EWSR1: variants seen among roughly 807,000 people sequenced by gnomAD.
EWSR1 encodes the protein RNA-binding protein EWS.
Under a neutral mutation model 92.1 loss-of-function variants are expected in EWSR1, and 14 were observed. That is an observed-to-expected ratio of 0.15 (90% confidence interval 0.10 to 0.24). EWSR1 has a LOEUF of 0.24. EWSR1 is among the 10% of genes least tolerant of loss of function. EWSR1 has a pLI of 1.00. For missense variants in EWSR1, 637 were observed against 870.9 expected (o/e 0.73, Z 3.38); for synonymous variants, 303 against 292.9 (o/e 1.03, Z -0.35).
chr22:29,298,701 T>G, intron 13 of EWSR1, 32 bp from the exon 14 acceptor site: 1 of 1,611,808 alleles, frequency 6.2e-7, no homozygotes, highest in Non-Finnish European at 8.5e-7. Flanking sequence ...TACAGAGAAA[T>G]GATTTGCTGT....
chr22:29,274,124 CTA>C, intron 4 of EWSR1: 1 of 950,622 alleles, frequency 1.1e-6, no homozygotes, highest in Non-Finnish European at 1.7e-6. Context: ...GAAATGGAGA[CTA>C]TGTAAAAGAT....
At chr22:29,270,814 TAGTTTTAATGTCAG>T (rs1467447268) in intron 1 of EWSR1, among the ~76,000 whole-genome samples, 1 of 151,850 alleles carries the variant, frequency 6.6e-6, no homozygotes, top group Non-Finnish European at 1.5e-5. Context: ...GATCTGCATT[TAGTTTTAATGTCAG>T]AGAGAGTATG....
chr22:29,270,936 T>G (rs2058629566), intron 1 of EWSR1, among the ~76,000 whole-genome samples: 2 of 152,186 alleles, frequency 1.3e-5, no homozygotes, highest in African/African-American at 4.8e-5. Flanking sequence ...TTCCTCTTGG[T>G]GATTCAGGGT....
At chr22:29,292,762 C>CTTTTTTTT (rs34395867) in intron 11 of EWSR1, among the ~76,000 whole-genome samples, 156 bp downstream of exon 11, 3 of 100,836 alleles carry the variant, frequency 3.0e-5, no homozygotes, top group African/African-American at 8.1e-5. Context: ...AAAGATTAGC[C>CTTTTTTTT]TTTTTTTTTT....
chr22:29,268,400 CTG>C (rs1491188139), intron 1 of EWSR1, 51 bp downstream of exon 1: 1 of 1,613,766 alleles, frequency 6.2e-7, no homozygotes, highest in Non-Finnish European at 8.5e-7. Flanking sequence ...AACGCCCAAA[CTG>C]GGGGTCGTTC....
chr22:29,298,621 TG>T (rs1302583549), intron 13 of EWSR1, 111 bp from the exon 14 acceptor site: 5 of 1,294,498 alleles, frequency 3.9e-6, no homozygotes, highest in Admixed American at 1.8e-5. Flanking sequence ...GGACAGGTGA[TG>T]GGGAAATGAC....
At chr22:29,278,591 G>A (rs935036030) in intron 5 of EWSR1, among the ~76,000 whole-genome samples, 1 of 152,164 alleles carries the variant, frequency 6.6e-6, no homozygotes, top group Non-Finnish European at 1.5e-5. Context: ...TTGGGAGGCC[G>A]AGGCAGGGGG....
At position 29,287,143 on chromosome 22, in the gene EWSR1, C is replaced by T. The variant is rs1473922127; in HGVS notation, c.793+9C>T. ...CAGCTACGGGCAGCAGAGTGAGTTG[C>T]TAAGAGAGAAAACCAAATAAGAATG... On this transcript the variant is annotated intron_variant, in intron 7 of 16. Transcript: ENST00000397938. 6.2e-7 allele frequency: 1 copy of T among 1,613,038 alleles called. No individual in the cohort carries two copies. The highest frequency in any genetic ancestry group is 8.5e-7 in the Non-Finnish European group (1 of 1,179,282).
intron 10 of EWSR1, 134 bp from the exon 11 acceptor site, chr22:29,292,354 G>T: frequency 1.1e-6 from 1 of 915,662 alleles, no homozygotes; most frequent in Admixed American, 2.0e-5. Flanking sequence ...CCAAAAGTTT[G>T]ATAGCATTCT....
intron 8 of EWSR1, chr22:29,289,857 A>C (rs191020672): frequency 1.3e-5 from 3 of 231,454 alleles, no homozygotes; most frequent in South Asian, 3.6e-4. Context: ...ATTGGAAGAA[A>C]GTCATTTGAC....
Position 29,280,886 on chromosome 22 carries a change from T to G in EWSR1, c.414-1504T>G, listed in dbSNP as rs1401515634. 5.7e-3 allele frequency among the ~76,000 whole-genome samples: 703 copies of G among 122,488 alleles called. 36 individuals are homozygous for G. Among genetic ancestry groups the G allele is most frequent in the African/African-American group, 0.019 (658 of 34,286 alleles). 80.4% of individuals were successfully genotyped at this position (122,488 alleles called of 152,430 possible). A position where few individuals can be genotyped will look rare whatever the true frequency, so the allele number is the denominator to read the frequency against. On this transcript the variant is annotated intron_variant, in intron 5 of 16. Transcript: ENST00000397938. ...TGTTTTTTTTTTTTTTTTTTTTTTT[T>G]TTTTTTTTTTTTTGACAGAGTCTTG...
chr22:29,277,492 C>G (rs370241307), intron 4 of EWSR1: 263 of 226,650 alleles, frequency 1.2e-3, no homozygotes, highest in African/African-American at 5.3e-3. Flanking sequence ...GATGTTAGTG[C>G]TTGGGACCAA....
chr22:29,283,613 C>T (rs1377668437), intron 6 of EWSR1, among the ~76,000 whole-genome samples: 2 of 150,804 alleles, frequency 1.3e-5, no homozygotes, highest in Non-Finnish European at 2.9e-5. Context: ...GCAGTTTCCA[C>T]CTCCTGGGTT....
chr22:29,279,691 GACAA>G (rs2059410358), intron 5 of EWSR1, among the ~76,000 whole-genome samples: 1 of 152,214 alleles, frequency 6.6e-6, no homozygotes, highest in African/African-American at 2.4e-5. Context: ...AATTAGCTCT[GACAA>G]ACACTCGTGA....
chr22:29,290,238 T>A (rs2147479808), intron 8 of EWSR1: 1 of 561,978 alleles, frequency 1.8e-6, no homozygotes, highest in Admixed American at 3.5e-5. Context: ...GACGGGCATT[T>A]CCCTCGTTGC....
rs1569115564 is a variant in EWSR1 at position 29,296,343 on chromosome 22, C to T, written c.1269C>T (p.Ala423=). ...TGTCCTATGAAGACCCACCCACTGC[C>T]AAGGCTGCCGTGGAATGGTTTGATG... The part of the protein sequence containing the change: ...ATVSYEDPPT[A]KAAVEWFDGK... Residue 423 remains alanine (A), a synonymous_variant, in exon 12 of 17, where the codon GCC becomes GCT. Transcript: ENST00000397938. 6.2e-7 allele frequency: 1 copy of T among 1,614,156 alleles called. No individual in the cohort carries two copies. The highest frequency in any genetic ancestry group is 8.5e-7 in the Non-Finnish European group (1 of 1,179,998).
At chr22:29,277,219 G>C (rs2059190038) in intron 4 of EWSR1, 1 of 226,100 alleles carries the variant, frequency 4.4e-6, no homozygotes. Context: ...AGACTCTAGG[G>C]TTTACCTCCA....
In EWSR1 at chr22:29,299,422, G is replaced by A. The variant is rs1236595725; in HGVS notation, c.1678+91G>A. Reference sequence around the variant, plus strand: ...GCTTGGTAAACTGCAGTTGCCCTCTGCTTAACAACTTTGAGTTGTCGTGTC... The same window carrying A: ...GCTTGGTAAACTGCAGTTGCCCTCTACTTAACAACTTTGAGTTGTCGTGTC... On this transcript the variant is annotated intron_variant, in intron 15 of 16. Coordinates refer to ENST00000397938, the MANE Select transcript of EWSR1 (RefSeq NM_005243.4). 2.6e-6 allele frequency: 4 copies of A among 1,527,468 alleles called. No homozygotes were observed. The African/African-American group carries it at 4.2e-5, about 16-fold the overall frequency. The allele number at this position is 1,527,468 out of a possible 1,614,324, so 94.6% of individuals were successfully genotyped here. A position where few individuals can be genotyped will look rare whatever the true frequency, so the allele number is the denominator to read the frequency against.
At chr22:29,276,516 T>G (rs2059136560) in intron 4 of EWSR1, 1 of 223,870 alleles carries the variant, frequency 4.5e-6, no homozygotes, top group African/African-American at 2.2e-5. Context: ...AAGCTGATAC[T>G]TGTTTCTGGC....
Sources: allele counts gnomAD v4.1 joint callset (sites outside exome capture counted in the v4.1 genomes callset), GRCh38; gene constraint gnomAD v4.1.1; transcripts MANE v1.5; gene names NCBI Gene and HGNC (gene_info 2026-07-23, HGNC 2026-07-21).